Variants in MAP7D2 observed in about 807,000 individuals in gnomAD.
The protein encoded by MAP7D2 is MAP7 domain-containing protein 2.
A neutral mutation model predicts 63.5 loss-of-function variants in MAP7D2; 33 were observed. The observed-to-expected ratio is 0.52, with a 90% CI of 0.39 to 0.70. The LOEUF is 0.70. Among genes scored for constraint, MAP7D2 ranks in the 30% least tolerant of loss-of-function variants. The pLI, the probability that MAP7D2 is intolerant of heterozygous loss-of-function variation, is 0.00. For synonymous variants in MAP7D2, 224 were observed against 223.7 expected (o/e 1.00, Z -0.01); for missense variants, 626 against 604.0 (o/e 1.04, Z -0.38).
chrX:20,096,429 C>CAAAAAAA (rs775218484), intron 1 of MAP7D2, among the ~76,000 whole-genome samples: 2 of 40,118 alleles, frequency 5.0e-5, no homozygotes, highest in African/African-American at 8.7e-5. Flanking sequence ...GACCTTGTCT[C>CAAAAAAA]AAAAAAAAAA....
At chrX:20,055,523 C>T (rs2065047765) in intron 4 of MAP7D2, among the ~76,000 whole-genome samples, 2 of 111,356 alleles carry the variant, frequency 1.8e-5, no homozygotes, top group African/African-American at 6.5e-5. Flanking sequence ...GAAATGTCTC[C>T]GGGGCACTAA....
chrX:20,035,543 G>A (rs2074196203), intron 8 of MAP7D2, among the ~76,000 whole-genome samples: 1 of 111,333 alleles, frequency 9.0e-6, no homozygotes, highest in African/African-American at 3.3e-5. Flanking sequence ...TTTTAACCAA[G>A]TCCCTTTGAT....
intron 6 of MAP7D2, among the ~76,000 whole-genome samples, chrX:20,045,913 T>C (rs968203980): frequency 8.9e-6 from 1 of 111,963 alleles, no homozygotes; most frequent in African/African-American, 3.2e-5. Context: ...GACTGTAGCA[T>C]GCTAGCTAAA....
intron 3 of MAP7D2, among the ~76,000 whole-genome samples, chrX:20,060,023 CTT>C (rs1426036593): frequency 1.3e-4 from 13 of 100,972 alleles, no homozygotes; most frequent in African/African-American, 3.6e-5. Flanking sequence ...TATATGTGTT[CTT>C]TTTTTTTTTT....
intron 1 of MAP7D2, among the ~76,000 whole-genome samples, chrX:20,070,199 G>A (rs1006803443): frequency 2.2e-4 from 24 of 110,987 alleles, no homozygotes; most frequent in East Asian, 5.7e-4. Flanking sequence ...TGCCCACCTC[G>A]GCCTCCCAAA....
chrX:20,037,567 G>A (rs770363550), intron 8 of MAP7D2, among the ~76,000 whole-genome samples: 3 of 111,983 alleles, frequency 2.7e-5, no homozygotes, highest in Non-Finnish European at 5.6e-5. Context: ...CATTCCTGAA[G>A]GACAGTGGTG....
chrX:20,093,394 C>T (rs1053374950), intron 1 of MAP7D2, among the ~76,000 whole-genome samples: 10 of 112,122 alleles, frequency 8.9e-5, no homozygotes, highest in African/African-American at 1.6e-4. Context: ...CGGTGGCTCA[C>T]GCCTGTAATC....
chrX:20,062,240 A>G (rs1245634651), intron 3 of MAP7D2, among the ~76,000 whole-genome samples: 1 of 112,143 alleles, frequency 8.9e-6, no homozygotes, highest in Non-Finnish European at 1.9e-5. Context: ...AGACAGAGTT[A>G]GAGGGGCATG....
In MAP7D2 at chrX:20,105,342, A is replaced by C. The variant is rs140685185; in HGVS notation, c.130+11408T>G. On this transcript the variant is annotated intron_variant, in intron 1 of 16. Transcript: ENST00000379643. ...GGTTGAGTTGCTAAACCAAGAGTCA[A>C]CTCTGAAGGAATCAGTGACCAACGG... Among the ~76,000 whole-genome samples, 696 of 111,321 alleles carry C rather than the reference A, an allele frequency of 6.3e-3. 6 individuals are homozygous for C. Among genetic ancestry groups the C allele is most frequent in the African/African-American group, 0.022 (669 of 30,621 alleles).
At chrX:20,036,144 C>T (rs143761978) in intron 8 of MAP7D2, among the ~76,000 whole-genome samples, 2,525 of 110,601 alleles carry the variant, frequency 0.023, 70 homozygotes, top group African/African-American at 0.078. Context: ...GAGGGTGGAG[C>T]GTGGGAGGAG....
chrX:20,048,956 C>CGTATAT (rs1163289832), intron 6 of MAP7D2, among the ~76,000 whole-genome samples: 1 of 109,071 alleles, frequency 9.2e-6, no homozygotes, highest in Non-Finnish European at 1.9e-5. Context: ...TATATGTATA[C>CGTATAT]GTATATGTAT....
intron 1 of MAP7D2, among the ~76,000 whole-genome samples, chrX:20,104,408 C>T (rs1057015627): frequency 2.7e-5 from 3 of 112,640 alleles, no homozygotes; most frequent in Non-Finnish European, 5.6e-5. Flanking sequence ...TCAAGCAATT[C>T]TCCTGCCTCA....
rs1471826742 is a variant in MAP7D2 at position 20,086,277 on chromosome X, C to G, written c.131-21472G>C. Among the ~76,000 whole-genome samples the G allele has an allele frequency of 3.6e-5, 4 of 112,006 alleles. No individual in the cohort carries two copies. The Admixed American group carries it at 3.8e-4, about 11-fold the overall frequency. ...CTTCCCAGCTGCTCCTGTCCCCTAT[C>G]CCACACAGGTGGGTCCAGGGCTGGG... On this transcript the variant is annotated intron_variant, in intron 1 of 16. Transcript: ENST00000379643.
In MAP7D2 at chrX:20,025,768, C is replaced by T; in HGVS notation, c.1192G>A (p.Glu398Lys). 1 of 1,211,885 alleles carries T rather than the reference C, an allele frequency of 8.3e-7. No individual in the cohort carries two copies. Among genetic ancestry groups the T allele is most frequent in the East Asian group, 3.0e-5 (1 of 33,836 alleles). The change falls in exon 9 of 17, where the codon GAG (glutamate) becomes AAG (lysine). Residue 398 changes from glutamate (E) to lysine (K), a missense_variant. Coordinates refer to ENST00000379643, the MANE Select transcript of MAP7D2 (RefSeq NM_001168465.2). ...LAQQAAGPQG[E>K]EALEKHVVDK... is the part of the protein sequence containing the mutation. The stretch of plus-strand genomic sequence containing the variant: ...ACTACATGCTTCTCTAGGGCTTCCT[C>T]TCCTTGCGGGCCAGCAGCCTGCTGA...
At chrX:20,013,663 G>A (rs767011773) in intron 12 of MAP7D2, 38 bp from the exon 13 acceptor site, 2 of 976,265 alleles carry the variant, frequency 2.0e-6, no homozygotes, top group Non-Finnish European at 2.8e-6. Flanking sequence ...CAAGTAAGAG[G>A]ACAATAAGAC....
chrX:20,014,532 C>T (rs987131557), intron 12 of MAP7D2, among the ~76,000 whole-genome samples: 1 of 111,471 alleles, frequency 9.0e-6, no homozygotes, highest in African/African-American at 3.3e-5. Flanking sequence ...CACACCACTG[C>T]ACTCCAGCAT....
rs1357110884 is a variant in MAP7D2, at chrX:20,116,154, T to C, written c.130+596A>G. On this transcript the variant is annotated intron_variant, in intron 1 of 16. Coordinates refer to ENST00000379643, the MANE Select transcript of MAP7D2 (RefSeq NM_001168465.2). ...GATTGAGGGCCGCGGCCCGGCCACC[T>C]GAGCAGCGTTCCCAAGACAGGGAGC... is the stretch of plus-strand genomic sequence containing the variant. Among the ~76,000 whole-genome samples, 3 of 112,959 alleles carry C rather than the reference T, an allele frequency of 2.7e-5. No homozygotes were observed. The East Asian group carries it at 8.5e-4, about 32-fold the overall frequency.
Position 20,007,095 on chromosome X carries a change from C to T in MAP7D2, c.*1330G>A, listed in dbSNP as rs959597805. 8.9e-6 allele frequency: 1 copy of T among 112,075 alleles called. No homozygotes were observed. Among genetic ancestry groups the T allele is most frequent in the African/African-American group, 3.2e-5 (1 of 30,818 alleles). The allele number at this position is 112,075 out of a possible 1,213,427, so 9.2% of individuals were successfully genotyped here. A position where few individuals can be genotyped will look rare whatever the true frequency, so the allele number is the denominator to read the frequency against. ...CTTGGCCAGTATTTGCCGAGATGGACAGCACCGCATTATGTGGAGGCATGT... is the reference window on the plus strand; with the variant it reads ...CTTGGCCAGTATTTGCCGAGATGGATAGCACCGCATTATGTGGAGGCATGT... On this transcript the variant is annotated 3_prime_UTR_variant, in exon 17 of 17. Coordinates refer to ENST00000379643, the MANE Select transcript of MAP7D2 (RefSeq NM_001168465.2).
chrX:20,014,018 G>C (rs755897157), intron 12 of MAP7D2, among the ~76,000 whole-genome samples: 1 of 112,001 alleles, frequency 8.9e-6, no homozygotes, highest in Non-Finnish European at 1.9e-5. Flanking sequence ...CTGGATCCCA[G>C]GCCTACAGCA....
Sources: allele counts gnomAD v4.1 joint callset (sites outside exome capture counted in the v4.1 genomes callset), GRCh38; gene constraint gnomAD v4.1.1; transcripts MANE v1.5; gene names NCBI Gene and HGNC (gene_info 2026-07-23, HGNC 2026-07-21).